COL4A3: variants seen among roughly 807,000 people sequenced by gnomAD.
COL4A3 encodes collagen type IV alpha 3 chain.
In COL4A3, 135 loss-of-function variants were observed where a neutral mutation model predicts 217.4. The ratio of observed to expected loss-of-function variants is 0.62; its 90% confidence interval spans 0.54 to 0.72. The LOEUF (loss-of-function observed/expected upper bound fraction) is 0.72, where lower values mean the gene tolerates loss of function less well. COL4A3 is among the 30% of genes least tolerant of loss of function. COL4A3 has a pLI of 0.00. For missense variants in COL4A3, 1,868 were observed against 2,119.9 expected (o/e 0.88, Z 2.33); for synonymous variants, 690 against 736.3 (o/e 0.94, Z 1.02).
chr2:227,246,610 G>A (rs2069355367), intron 6 of COL4A3, 75 bp from the exon 7 acceptor site: 9 of 1,250,050 alleles, frequency 7.2e-6, no homozygotes, highest in South Asian at 5.0e-5. Flanking sequence ...GGTTGGAAGC[G>A]AGAAACAGGA....
At position 227,304,124 on chromosome 2, in the gene COL4A3, C is replaced by A; in HGVS notation, c.4133C>A (p.Pro1378Gln). ...EPGMQGEPGP[P>Q]GPPGNLGPCG... ...GGGATGCAGGGAGAACCTGGGCCAC[C>A]AGGGCCACCTGGAAACCTAGGTGTG... The change falls in exon 46 of 52, where the codon CCA becomes CAA. Residue 1378 changes from proline to glutamine, a missense_variant. By Grantham distance (76) the Pro-to-Gln change is moderately conservative. Transcript: ENST00000396578. The A allele has an allele frequency of 1.9e-6, 3 of 1,614,114 alleles. No individual in the cohort carries two copies. The highest frequency in any genetic ancestry group is 1.7e-4 in the Middle Eastern group (1 of 6,038).
intron 1 of COL4A3, among the ~76,000 whole-genome samples, chr2:227,187,509 T>C (rs76167570): frequency 0.013 from 1,960 of 152,272 alleles, 31 homozygotes; most frequent in South Asian, 0.044. Flanking sequence ...GGGAGGAAGC[T>C]TGGGGCAAAG....
intron 51 of COL4A3, 136 bp downstream of exon 51, chr2:227,311,084 C>G: frequency 1.3e-6 from 1 of 789,622 alleles, no homozygotes; most frequent in Non-Finnish European, 2.2e-6. Flanking sequence ...GTTTTGTCAT[C>G]ACTAAACACA....
chr2:227,268,784 A>G (rs1279267406), intron 23 of COL4A3: 1 of 152,220 alleles, frequency 6.6e-6, no homozygotes, highest in African/African-American at 2.4e-5. Context: ...TAAAACAAAA[A>G]CCAAAAGGAA....
At chr2:227,244,888 A>C (rs750902630) in intron 4 of COL4A3, 63 bp from the exon 5 acceptor site, 8 of 1,480,330 alleles carry the variant, frequency 5.4e-6, no homozygotes, top group Non-Finnish European at 6.6e-6. Context: ...ATTTATGTTT[A>C]TAGATTGAAC....
At chr2:227,249,230 A>ATATATTTTTTTTT in intron 9 of COL4A3, among the ~76,000 whole-genome samples, 11 of 14,690 alleles carry the variant, frequency 7.5e-4, no homozygotes, top group African/African-American at 2.7e-3. Flanking sequence ...ATATATATAT[A>ATATATTTTTTTTT]TTTTTTTTTT....
chr2:227,276,553 C>T (rs1243415647), intron 27 of COL4A3, 76 bp downstream of exon 27: 3 of 1,120,276 alleles, frequency 2.7e-6, no homozygotes, highest in East Asian at 2.4e-5. Context: ...AAAATACTGT[C>T]CCCATTATAA....
rs11412904 is a variant in COL4A3, at chr2:227,254,259, G to GTT, written c.828+95_828+96dup. Reference sequence around the variant, plus strand: ...TTTGATGTGTGTTTTGTCTTAAGTTGTTTTTTTTTTTAAAGAAAGTAAAGG... The same window carrying GTT: ...TTTGATGTGTGTTTTGTCTTAAGTTGTTTTTTTTTTTTTAAAGAAAGTAAAGG... On this transcript the variant is annotated intron_variant, in intron 14 of 51. Transcript: ENST00000396578. 98,969 of 990,478 alleles carry GTT rather than the reference G, an allele frequency of 0.1. 2,053 individuals are homozygous for GTT. Among genetic ancestry groups the GTT allele is most frequent in the Non-Finnish European group, 0.1 (70,779 of 680,046 alleles). The allele number at this position is 990,478 out of a possible 1,614,324, so 61.4% of individuals were successfully genotyped here.
In COL4A3 at chr2:227,266,973, C is replaced by T. The variant is rs2070933211; in HGVS notation, c.1409-20C>T. ...ACTCAATGTAGCTTTTTAAGTAATG[C>T]TAGTATGCTCTCATTGCAGGAGAAC... On this transcript the variant is annotated intron_variant, in intron 22 of 51. Coordinates refer to ENST00000396578, the MANE Select transcript of COL4A3 (RefSeq NM_000091.5). 6.5e-7 allele frequency: 1 copy of T among 1,540,098 alleles called. No homozygotes were observed. Among genetic ancestry groups the T allele is most frequent in the Admixed American group, 1.7e-5 (1 of 59,876 alleles).
At chr2:227,244,729 G>T in intron 4 of COL4A3, 2 of 722,056 alleles carry the variant, frequency 2.8e-6, no homozygotes, top group Non-Finnish European at 4.9e-6. Flanking sequence ...ATCCAAAAAA[G>T]CCAAAAATAA....
In COL4A3 at chr2:227,313,480, A is replaced by G. The variant is rs2073810715; in HGVS notation, c.*1610A>G. ...ATGATAACACTATTTGATGAGTCTT[A>G]GAGTCCAGACACAAAGAGACAAAGC... On this transcript the variant is annotated 3_prime_UTR_variant, in exon 52 of 52. Coordinates refer to ENST00000396578, the MANE Select transcript of COL4A3 (RefSeq NM_000091.5). 6.5e-6 allele frequency: 1 copy of G among 152,674 alleles called. No homozygotes were observed. The highest frequency in any genetic ancestry group is 2.4e-5 in the African/African-American group (1 of 41,466). The allele number at this position is 152,674 out of a possible 1,614,324, so 9.5% of individuals were successfully genotyped here.
chr2:227,171,954 G>T (rs1201362585), intron 1 of COL4A3, among the ~76,000 whole-genome samples: 2 of 152,144 alleles, frequency 1.3e-5, no homozygotes, highest in African/African-American at 2.4e-5. Flanking sequence ...TTCTTCCCTT[G>T]GGGTGGGCTG....
rs1449018778 is a variant in COL4A3 at position 227,280,875 on chromosome 2, T to C, written c.2375-18T>C. The C allele has an allele frequency of 6.6e-6, 10 of 1,515,796 alleles. No homozygotes were observed. Among genetic ancestry groups the C allele is most frequent in the Non-Finnish European group, 9.0e-6 (10 of 1,113,844 alleles). 93.9% of individuals were successfully genotyped at this position (1,515,796 alleles called of 1,614,324 possible). ...TAAGTTCTAGCACCTGGGTATATAC[T>C]TGTGCTTTCTTTTGCAGGAGATCCA... is the stretch of plus-strand genomic sequence containing the variant. On this transcript the variant is annotated intron_variant, in intron 30 of 51. Transcript: ENST00000396578.
At chr2:227,207,498 T>C (rs1447637840) in intron 1 of COL4A3, among the ~76,000 whole-genome samples, 2 of 152,180 alleles carry the variant, frequency 1.3e-5, no homozygotes, top group Non-Finnish European at 2.9e-5. Context: ...AAGTGACTTT[T>C]TATTCTAAAC....
At chr2:227,172,074 C>T (rs1490049773) in intron 1 of COL4A3, among the ~76,000 whole-genome samples, 1 of 152,110 alleles carries the variant, frequency 6.6e-6, no homozygotes, top group Non-Finnish European at 1.5e-5. Flanking sequence ...CTTGGAATGT[C>T]CCTGGAAGGT....
chr2:227,185,482 A>G (rs990825864), intron 1 of COL4A3, among the ~76,000 whole-genome samples: 2 of 152,208 alleles, frequency 1.3e-5, no homozygotes, highest in African/African-American at 4.8e-5. Flanking sequence ...TTGCTCTTGA[A>G]TATAGGTAAG....
chr2:227,294,943 GGTTT>G lies in COL4A3; in HGVS notation c.3419-20_3419-17del, dbSNP rs2106235352. On this transcript the variant is annotated splice_polypyrimidine_tract_variant and intron_variant, in intron 39 of 51. Transcript: ENST00000396578. Reference sequence around the variant, plus strand: ...TGTATACCATAGTTTGGGGTTTTTGGGTTTTTTTTTTTTTTTTCAGGTCTTCCAG... The same window carrying G: ...TGTATACCATAGTTTGGGGTTTTTGGTTTTTTTTTTTTTCAGGTCTTCCAG... 3 of 1,388,520 alleles carry G rather than the reference GGTTT, an allele frequency of 2.2e-6. No homozygotes were observed. Among genetic ancestry groups the G allele is most frequent in the East Asian group, 4.9e-5 (2 of 41,198 alleles). 86.0% of individuals were successfully genotyped at this position (1,388,520 alleles called of 1,614,324 possible).
In COL4A3 at chr2:227,250,338, T is replaced by TGATAGATAGATA; in HGVS notation, c.547-765_547-754dup. Among the ~76,000 whole-genome samples, 1 of 146,722 alleles carries TGATAGATAGATA rather than the reference T, an allele frequency of 6.8e-6. No individual in the cohort carries two copies. The highest frequency in any genetic ancestry group is 2.5e-5 in the African/African-American group (1 of 39,406). On this transcript the variant is annotated intron_variant, in intron 9 of 51. Coordinates refer to ENST00000396578, the MANE Select transcript of COL4A3 (RefSeq NM_000091.5). This position sits in a 1 kb window ranked among gnomAD's most constrained non-coding sequence, Gnocchi z 4.1. ...AAAAAATAGGTAGATAGATAAAAGA[T>TGATAGATAGATA]GATAGATAGATAGATAGATAGATAG...
intron 1 of COL4A3, among the ~76,000 whole-genome samples, chr2:227,226,415 AT>A (rs1191833225): frequency 1.3e-5 from 2 of 151,820 alleles, no homozygotes; most frequent in African/African-American, 2.4e-5. Context: ...GTAGAAGACC[AT>A]CTCTCACTGG....
Sources: allele counts gnomAD v4.1 joint callset (sites outside exome capture counted in the v4.1 genomes callset), GRCh38; gene constraint gnomAD v4.1.1; non-coding constraint Gnocchi (gnomAD v3.1); transcripts MANE v1.5; gene names NCBI Gene and HGNC (gene_info 2026-07-23, HGNC 2026-07-21).